The following PRIM2 variants were observed in gnomAD, a reference collection of about 807,000 sequenced individuals.
PRIM2 encodes the protein DNA primase subunit 2.
A neutral mutation model predicts 67.3 loss-of-function variants in PRIM2; 39 were observed. The ratio of observed to expected loss-of-function variants is 0.58; its 90% CI spans 0.45 to 0.76. The LOEUF is 0.76. Among genes scored for constraint, PRIM2 ranks in the 30% least tolerant of loss-of-function variants. The pLI, the probability that PRIM2 is intolerant of heterozygous loss-of-function variation, is 0.00. For synonymous variants in PRIM2, 143 were observed against 198.7 expected (o/e 0.72, Z 2.36); for missense variants, 398 against 598.7 (o/e 0.66, Z 3.50).
chr6:57,565,799 TA>T (rs1215226501), intron 10 of PRIM2, among the ~76,000 whole-genome samples: 5 of 152,030 alleles, frequency 3.3e-5, no homozygotes, highest in South Asian at 2.1e-4. Flanking sequence ...ATGCACCTCT[TA>T]AAAAAAATAG....
intron 5 of PRIM2, among the ~76,000 whole-genome samples, chr6:57,357,502 C>T (rs931389065): frequency 2.0e-5 from 3 of 151,906 alleles, no homozygotes; most frequent in African/African-American, 4.8e-5. Flanking sequence ...CCCTACATTT[C>T]GTCTAATTCT....
intron 10 of PRIM2, among the ~76,000 whole-genome samples, chr6:57,545,580 G>A: frequency 6.6e-6 from 1 of 152,180 alleles, no homozygotes; most frequent in Admixed American, 6.5e-5. Flanking sequence ...ACAGGCATGT[G>A]CCACCAGGCC....
intron 5 of PRIM2, among the ~76,000 whole-genome samples, chr6:57,362,623 AGTTG>A (rs1229840735): frequency 6.6e-6 from 1 of 152,186 alleles, no homozygotes; most frequent in Admixed American, 6.6e-5. Context: ...AACCAAGTTA[AGTTG>A]AACAGTTTTC....
intron 13 of PRIM2, among the ~76,000 whole-genome samples, chr6:57,640,555 C>A (rs1291723550): frequency 5.9e-5 from 9 of 152,294 alleles, no homozygotes; most frequent in African/African-American, 2.2e-4. Flanking sequence ...GATACAAAAT[C>A]TCTGTGCAAA....
At chr6:57,642,610 T>G (rs1307645406) in intron 13 of PRIM2, among the ~76,000 whole-genome samples, 2 of 151,348 alleles carry the variant, frequency 1.3e-5, no homozygotes, top group Non-Finnish European at 2.9e-5. Flanking sequence ...GCCCGGCTAA[T>G]TTTTGTATTT....
chr6:57,532,450 T>C lies in PRIM2; in HGVS notation c.801T>C (p.Asn267=). Residue 267 remains asparagine (N), a synonymous_variant, in exon 9 of 14, where the codon AAT becomes AAC. Coordinates refer to ENST00000615550, the MANE Select transcript of PRIM2 (RefSeq NM_000947.5). The part of the protein sequence containing the change: ...YTGQDYSTQG[N]VGKISLDQID... Reference sequence around the variant, plus strand: ...GCCAAGATTACAGTACCCAGGGAAATGTTGGGAAGATTTCTTTAGATCAGA... The same window carrying C: ...GCCAAGATTACAGTACCCAGGGAAACGTTGGGAAGATTTCTTTAGATCAGA... 1.4e-6 allele frequency: 2 copies of C among 1,465,014 alleles called. No homozygotes were observed. Among genetic ancestry groups the C allele is most frequent in the Non-Finnish European group, 1.9e-6 (2 of 1,079,702 alleles). The allele number at this position is 1,465,014 out of a possible 1,614,324, so 90.8% of individuals were successfully genotyped here.
At chr6:57,603,395 A>G (rs1340774642) in intron 11 of PRIM2, among the ~76,000 whole-genome samples, 8 of 152,108 alleles carry the variant, frequency 5.3e-5, no homozygotes, top group African/African-American at 1.9e-4. Flanking sequence ...TAGAATTTTC[A>G]TGTCTCTGCT....
chr6:57,361,348 G>A (rs28419599), intron 5 of PRIM2, among the ~76,000 whole-genome samples: 4 of 152,292 alleles, frequency 2.6e-5, no homozygotes, highest in South Asian at 2.1e-4. Context: ...CAGATGAAGC[G>A]CTTGGACACT....
chr6:57,390,145 A>G (rs953164133), intron 7 of PRIM2: 2 of 154,838 alleles, frequency 1.3e-5, no homozygotes, highest in African/African-American at 4.8e-5. Context: ...AGGATGGTGC[A>G]AAAGTAATGT....
the PRIM2 span, among the ~76,000 whole-genome samples, chr6:57,276,421 A>G: frequency 6.8e-6 from 1 of 146,980 alleles, no homozygotes; most frequent in Non-Finnish European, 1.5e-5. Context: ...AACAAAAGTT[A>G]AAAATTATAA....
At chr6:57,232,165 T>A in the PRIM2 span, among the ~76,000 whole-genome samples, 1 of 152,232 alleles carries the variant, frequency 6.6e-6, no homozygotes, top group Non-Finnish European at 1.5e-5. Context: ...AAACAAGCGT[T>A]CCGTTGTTGT....
In PRIM2 at chr6:57,399,930, A is replaced by G. The variant is rs575816169; in HGVS notation, c.693+17762A>G. Among the ~76,000 whole-genome samples, 8 of 152,174 alleles carry G rather than the reference A, an allele frequency of 5.3e-5. No individual in the cohort carries two copies. In the East Asian group the frequency reaches 7.8e-4, roughly 15 times the overall value. On this transcript the variant is annotated intron_variant, in intron 7 of 13. Coordinates refer to ENST00000615550, the MANE Select transcript of PRIM2 (RefSeq NM_000947.5). ...GTAAATTTGTTTGAGTTCATTGTAGATTCTGGATATTAGCCCTTTGTCAGA... is the reference window on the plus strand; with the variant it reads ...GTAAATTTGTTTGAGTTCATTGTAGGTTCTGGATATTAGCCCTTTGTCAGA...
chr6:57,643,879 T>C (rs1777289821), intron 13 of PRIM2, among the ~76,000 whole-genome samples: 1 of 152,202 alleles, frequency 6.6e-6, no homozygotes, highest in East Asian at 1.9e-4. Context: ...TAACATGTAT[T>C]AACAACTAGC....
At chr6:57,286,510 A>G in the PRIM2 span, among the ~76,000 whole-genome samples, 1 of 152,136 alleles carries the variant, frequency 6.6e-6, no homozygotes, top group Non-Finnish European at 1.5e-5. Context: ...AATGGGGAAA[A>G]GATTCCCTAT....
At chr6:57,581,912 G>C (rs1185949966) in intron 10 of PRIM2, among the ~76,000 whole-genome samples, 1 of 152,188 alleles carries the variant, frequency 6.6e-6, no homozygotes, top group Admixed American at 6.5e-5. Context: ...AACAAGAGGC[G>C]CATGAACTAG....
intron 7 of PRIM2, among the ~76,000 whole-genome samples, chr6:57,471,646 C>T (rs1248767711): frequency 3.3e-5 from 5 of 152,142 alleles, no homozygotes; most frequent in African/African-American, 9.7e-5. Context: ...TAGGGCAGAT[C>T]AAGTGGCGTT....
At chr6:57,387,751 C>T (rs1341570675) in intron 7 of PRIM2, among the ~76,000 whole-genome samples, 2 of 151,182 alleles carry the variant, frequency 1.3e-5, no homozygotes, top group East Asian at 1.9e-4. Flanking sequence ...AAGCTATAGC[C>T]AGTTCTTTTA....
chr6:57,459,917 A>G (rs1216743205), intron 7 of PRIM2, among the ~76,000 whole-genome samples: 2 of 152,198 alleles, frequency 1.3e-5, no homozygotes, highest in East Asian at 3.9e-4. Context: ...ACACATAAAA[A>G]TTAAGCACCC....
the PRIM2 span, among the ~76,000 whole-genome samples, chr6:57,243,286 A>T: frequency 6.6e-6 from 1 of 152,180 alleles, no homozygotes; most frequent in Non-Finnish European, 1.5e-5. Flanking sequence ...TTTGTGTGCT[A>T]CTGATGGTTG....
Sources: gnomAD v4.1 joint callset for allele counts (sites outside exome capture counted in the v4.1 genomes callset) on GRCh38, gnomAD v4.1.1 for gene constraint, MANE v1.5 for transcripts, NCBI Gene and HGNC (gene_info 2026-07-23, HGNC 2026-07-21) for gene names.